PPP2R5C: variants seen among roughly 807,000 people sequenced by gnomAD.
PPP2R5C encodes protein phosphatase 2 regulatory subunit B'gamma, also known as serine/threonine-protein phosphatase 2A 56 kDa regulatory subunit gamma isoform.
In PPP2R5C, 7 loss-of-function variants were observed where a neutral mutation model predicts 68.9. That is an observed-to-expected ratio of 0.10 (90% CI 0.06 to 0.19). The LOEUF is 0.19. Ranked by LOEUF, PPP2R5C falls within the 10% of genes least tolerant of loss-of-function variation. The probability of loss-of-function intolerance (pLI) is 1.00; values close to 1 mark genes in which losing one functional copy is unlikely to be tolerated. For synonymous variants in PPP2R5C, 210 were observed against 222.2 expected, an observed-to-expected ratio of 0.95 and a Z score of 0.49; for missense variants, 348 against 641.3, an observed-to-expected ratio of 0.54 and a Z score of 4.94.
intron 11 of PPP2R5C, 78 bp downstream of exon 13, chr14:101,909,768 C>A: frequency 9.6e-7 from 1 of 1,045,434 alleles, no homozygotes; most frequent in Non-Finnish European, 1.4e-6. Context: ...ACTGTTTTGT[C>A]CTAAAACGGT....
rs943075992 is a variant in PPP2R5C at position 101,899,285 on chromosome 14, C to T, written c.853-2434C>T. 2.6e-5 allele frequency among the ~76,000 whole-genome samples: 4 copies of T among 152,240 alleles called. No homozygotes were observed. The highest frequency in any genetic ancestry group is 9.6e-5 in the African/African-American group (4 of 41,464). On this transcript the variant is annotated intron_variant, in intron 8 of 13. Coordinates refer to ENST00000334743, the Ensembl canonical transcript of PPP2R5C. The surrounding 1 kb of genome is among the most constrained non-coding windows in gnomAD (Gnocchi z 4.2). Reference sequence around the variant, plus strand: ...TGGCATAGTAGCGGCTCTCCTTTCTCCTTGGTCTACCAGGACAGGAAGGGG... The same window carrying T: ...TGGCATAGTAGCGGCTCTCCTTTCTTCTTGGTCTACCAGGACAGGAAGGGG...
chr14:101,925,177 C>T (rs767439597), exon 14 of PPP2R5C: 12 of 1,614,012 alleles, frequency 7.4e-6, no homozygotes, highest in Non-Finnish European at 7.6e-6. Context: ...TCCTCTTGCA[C>T]GCCGCAAGTC....
intron 1 of PPP2R5C, chr14:101,819,264 G>A (rs2039903363): frequency 1.7e-6 from 1 of 581,236 alleles, no homozygotes; most frequent in Non-Finnish European, 3.0e-6. Context: ...GCCTTTGCAT[G>A]GAGCAGTGTT....
chr14:101,919,980 A>AAAAAAAAAAAAC (rs2046921739), intron 13 of PPP2R5C, among the ~76,000 whole-genome samples: 28 of 114,182 alleles, frequency 2.5e-4, no homozygotes, highest in Middle Eastern at 5.1e-3. Flanking sequence ...AAAAAAAAAA[A>AAAAAAAAAAAAC]AAAAAAAAAA....
intron 5 of PPP2R5C, among the ~76,000 whole-genome samples, chr14:101,884,126 G>A (rs2140907740): frequency 6.6e-6 from 1 of 152,126 alleles, no homozygotes; most frequent in Middle Eastern, 3.4e-3. Context: ...CAAGAGTCCA[G>A]AAGCTGAAGA....
At chr14:101,823,937 C>G in intron 1 of PPP2R5C, 1 of 1,282,924 alleles carries the variant, frequency 7.8e-7, no homozygotes, top group Non-Finnish European at 1.0e-6. Context: ...TTCTGGGTCA[C>G]GAAGGTAAGG....
intron 1 of PPP2R5C, among the ~76,000 whole-genome samples, chr14:101,854,459 T>C (rs2042306396): frequency 6.6e-6 from 1 of 152,214 alleles, no homozygotes; most frequent in African/African-American, 2.4e-5. Flanking sequence ...GCTAACTGTT[T>C]AAAGCACTAA....
rs1255505323 is a variant in PPP2R5C at position 101,916,203 on chromosome 14, TGGA to T, written c.1327-1626_1327-1624del. On this transcript the variant is annotated intron_variant, in intron 12 of 13. Transcript: ENST00000334743. The surrounding 1 kb of genome is among the most constrained non-coding windows in gnomAD (Gnocchi z 5.5). The stretch of plus-strand genomic sequence containing the variant: ...GTGCTGGGGCTGTCGGGGTAGGGTG[TGGA>T]GATGTGTGGAGATCGTGGTGCTGGG... 6.6e-6 allele frequency among the ~76,000 whole-genome samples: 1 copy of T among 152,002 alleles called. No individual in the cohort carries two copies. Among genetic ancestry groups the T allele is most frequent in the Non-Finnish European group, 1.5e-5 (1 of 67,980 alleles).
intron 1 of PPP2R5C, among the ~76,000 whole-genome samples, chr14:101,814,498 A>G (rs2039545927): frequency 6.6e-6 from 1 of 152,230 alleles, no homozygotes; most frequent in South Asian, 2.1e-4. Context: ...ATTTATGCTC[A>G]TAAACACACT....
chr14:101,762,024 G>C (rs1361409224), intron 1 of PPP2R5C, 104 bp downstream of exon 1: 2 of 1,075,604 alleles, frequency 1.9e-6, no homozygotes, highest in Non-Finnish European at 2.3e-6. Context: ...TCAGTTCCCC[G>C]CCTGACGCCG....
chr14:101,906,677 C>A lies in PPP2R5C; in HGVS notation c.1151+148C>A. 1.8e-6 allele frequency: 2 copies of A among 1,081,316 alleles called. No homozygotes were observed. The highest frequency in any genetic ancestry group is 2.6e-6 in the Non-Finnish European group (2 of 772,694). 67.0% of individuals were successfully genotyped at this position (1,081,316 alleles called of 1,614,324 possible). On this transcript the variant is annotated intron_variant, in intron 10 of 13. Transcript: ENST00000334743. This position sits in a 1 kb window ranked among gnomAD's most constrained non-coding sequence, Gnocchi z 4.0. ...CTTTGTGGACTCATAAATTAAGTAG[C>A]AGCGTGGGTTGTTTCTGTGGCCGTT...
chr14:101,829,671 GTGTT>G (rs1364810691), intron 1 of PPP2R5C, among the ~76,000 whole-genome samples: 3 of 152,164 alleles, frequency 2.0e-5, no homozygotes, highest in Non-Finnish European at 4.4e-5. Flanking sequence ...GTTTGTGTGT[GTGTT>G]TGGTCGGTGT....
chr14:101,872,787 G>C (rs1429783588), intron 2 of PPP2R5C, among the ~76,000 whole-genome samples: 1 of 151,956 alleles, frequency 6.6e-6, no homozygotes, highest in Non-Finnish European at 1.5e-5. Flanking sequence ...TTTAGAGTTT[G>C]TTTATAATTT....
At chr14:101,862,162 C>T (rs976265032) in intron 2 of PPP2R5C, among the ~76,000 whole-genome samples, 1 of 152,176 alleles carries the variant, frequency 6.6e-6, no homozygotes, top group Non-Finnish European at 1.5e-5. Context: ...GCAATCCACA[C>T]GCCTCAGCCT....
intron 1 of PPP2R5C, chr14:101,819,134 T>C: frequency 6.8e-7 from 1 of 1,467,022 alleles, no homozygotes; most frequent in Non-Finnish European, 9.3e-7. Context: ...TGTAGACAGT[T>C]TCTGTACATG....
Position 101,829,942 on chromosome 14 carries a change from C to CA in PPP2R5C, c.94+19917dup, listed in dbSNP as rs3831046. 7.6e-3 allele frequency among the ~76,000 whole-genome samples: 1,128 copies of CA among 149,120 alleles called. 7 individuals are homozygous for CA. The highest frequency in any genetic ancestry group is 0.011 in the Non-Finnish European group (763 of 67,118). ...ACACTGGTTTTAGTGTCCATAGTGG[C>CA]AAAAAAAAAAATTTTTTTTCAAAAC... On this transcript the variant is annotated intron_variant, in intron 1 of 13. Transcript: ENST00000334743.
chr14:101,822,760 C>A (rs1232870400), intron 1 of PPP2R5C, among the ~76,000 whole-genome samples: 1 of 151,858 alleles, frequency 6.6e-6, no homozygotes, highest in African/African-American at 2.4e-5. Flanking sequence ...TTTTTTACTT[C>A]TAAATCTTAT....
chr14:101,912,783 T>C (rs1051942906), intron 12 of PPP2R5C, among the ~76,000 whole-genome samples: 4 of 152,220 alleles, frequency 2.6e-5, no homozygotes, highest in Non-Finnish European at 5.9e-5. Flanking sequence ...CTCTCAGATA[T>C]CATAGATGCT....
At position 101,891,810 on chromosome 14, in the gene PPP2R5C, TCTG is replaced by T. The variant is rs889125033; in HGVS notation, c.690-1188_690-1186del. Reference sequence around the variant, plus strand: ...CAAGTTAGAGACAGCTCTGTCTACTTCTGCAGCTCAGTGGCAGTCACTCCCGTT... The same window carrying T: ...CAAGTTAGAGACAGCTCTGTCTACTTCAGCTCAGTGGCAGTCACTCCCGTT... On this transcript the variant is annotated intron_variant, in intron 6 of 13. Transcript: ENST00000334743. The surrounding 1 kb of genome is among the most constrained non-coding windows in gnomAD (Gnocchi z 4.9). 6.6e-6 allele frequency among the ~76,000 whole-genome samples: 1 copy of T among 152,238 alleles called. No homozygotes were observed. Among genetic ancestry groups the T allele is most frequent in the African/African-American group, 2.4e-5 (1 of 41,464 alleles).
Sources: gnomAD v4.1 joint callset for allele counts (sites outside exome capture counted in the v4.1 genomes callset) on GRCh38, gnomAD v4.1.1 for gene constraint, Gnocchi (gnomAD v3.1) non-coding constraint, MANE v1.5 for transcripts, NCBI Gene and HGNC (gene_info 2026-07-23, HGNC 2026-07-21) for gene names.